The following EEF1A2 variants were observed in gnomAD, a reference collection of about 807,000 sequenced individuals.
The protein encoded by EEF1A2 is elongation factor 1-alpha 2.
EEF1A2 carries 5 observed loss-of-function variants against 39.3 expected under a neutral mutation model. That is an observed-to-expected ratio of 0.13 (90% CI 0.07 to 0.27). EEF1A2 has a LOEUF of 0.27. Ranked by LOEUF, EEF1A2 falls within the 10% of genes least tolerant of loss-of-function variation. The pLI, the probability that EEF1A2 is intolerant of heterozygous loss-of-function variation, is 1.00. For missense variants in EEF1A2, 218 were observed against 681.4 expected (o/e 0.32, Z 7.57); for synonymous variants, 287 against 293.7 (o/e 0.98, Z 0.23).
In EEF1A2 at chr20:63,490,308, G is replaced by A. The variant is rs949894300; in HGVS notation, c.1029+171C>T. On this transcript the variant is annotated intron_variant, in intron 6 of 7. Coordinates refer to ENST00000217182, the MANE Select transcript of EEF1A2 (RefSeq NM_001958.5). ...ACTTGATCTCTTGACCTCGTGATCTGCCCGCCTCGGCCTCTCAAAGTGCTG... is the reference window on the plus strand; with the variant it reads ...ACTTGATCTCTTGACCTCGTGATCTACCCGCCTCGGCCTCTCAAAGTGCTG... The A allele has an allele frequency of 2.3e-5, 18 of 769,740 alleles. No homozygotes were observed. In the African/African-American group the frequency reaches 2.8e-4, roughly 12 times the overall value. The allele number at this position is 769,740 out of a possible 1,614,324, so 47.7% of individuals were successfully genotyped here.
chr20:63,491,360 C>T (rs1320627674), intron 5 of EEF1A2, among the ~76,000 whole-genome samples: 1 of 152,228 alleles, frequency 6.6e-6, no homozygotes, highest in Non-Finnish European at 1.5e-5. Flanking sequence ...AATTGTGCAG[C>T]TGCCACATGG....
intron 5 of EEF1A2, among the ~76,000 whole-genome samples, chr20:63,492,376 GGATGGATGGGTGGGTA>G (rs1427363107): frequency 6.6e-6 from 1 of 151,270 alleles, no homozygotes; most frequent in Non-Finnish European, 1.5e-5. Context: ...ATAGAGAGAA[GGATGGATGGGTGGGTA>G]GATGGATGGA....
chr20:63,488,126 G>T lies in EEF1A2; in HGVS notation c.*172C>A. 1 of 232,008 alleles carries T rather than the reference G, an allele frequency of 4.3e-6. No individual in the cohort carries two copies. Among genetic ancestry groups the T allele is most frequent in the Non-Finnish European group, 7.0e-6 (1 of 142,108 alleles). 14.4% of individuals were successfully genotyped at this position (232,008 alleles called of 1,614,324 possible). A position where few individuals can be genotyped will look rare whatever the true frequency, so the allele number is the denominator to read the frequency against. ...GAAGAACTTCCACTGGACCTTGATG[G>T]CGAGCATCCAGTCGCTGACCGAGGG... On this transcript the variant is annotated 3_prime_UTR_variant, in exon 8 of 8. Coordinates refer to ENST00000217182, the MANE Select transcript of EEF1A2 (RefSeq NM_001958.5).
Position 63,488,427 on chromosome 20 carries a change from TG to T in EEF1A2, c.1265-3del. ...TCATGTCGCGCACGGCGAAGCGGCC[TG>T]GGGGGCGGGGGGCGGCGTGTGGGCG... On this transcript the variant is annotated splice_polypyrimidine_tract_variant and splice_region_variant and intron_variant, in intron 7 of 7. Transcript: ENST00000217182. 9.1e-6 allele frequency: 13 copies of T among 1,430,140 alleles called. No homozygotes were observed. Among genetic ancestry groups the T allele is most frequent in the East Asian group, 3.1e-5 (1 of 32,000 alleles). 88.6% of individuals were successfully genotyped at this position (1,430,140 alleles called of 1,614,324 possible).
At chr20:63,492,015 C>T (rs178097) in intron 5 of EEF1A2, among the ~76,000 whole-genome samples, 91,235 of 96,276 alleles carry the variant, frequency 0.95, 43,254 homozygotes, top group Non-Finnish European at 0.98. Flanking sequence ...AGGAGATGAA[C>T]GGATGGATGA....
chr20:63,496,418 A>C, intron 2 of EEF1A2: 2 of 225,408 alleles, frequency 8.9e-6, no homozygotes, highest in Non-Finnish European at 1.8e-5. Context: ...GGCCAATAAT[A>C]CCACCGTGTT....
rs138846735 is a variant in EEF1A2, at chr20:63,495,081, G to A, written c.345C>T (p.Ile115=). The part of the protein sequence containing the change: ...GTSQADCAVL[I]VAAGVGEFEA... ...CGAACTCGCCCACGCCCGCCGCCACGATCAGCACTGCGCAGTCCGCCTGCC... is the reference window on the plus strand; with the variant it reads ...CGAACTCGCCCACGCCCGCCGCCACAATCAGCACTGCGCAGTCCGCCTGCC... The change falls in exon 4 of 8, where the codon ATC becomes ATT. Residue 115 remains isoleucine, a synonymous_variant. Transcript: ENST00000217182. 4.2e-5 allele frequency: 68 copies of A among 1,611,182 alleles called. No homozygotes were observed. The highest frequency in any genetic ancestry group is 1.7e-4 in the Middle Eastern group (1 of 6,060).
intron 4 of EEF1A2, 151 bp downstream of exon 4, chr20:63,494,654 A>C: frequency 1.7e-6 from 2 of 1,147,040 alleles, no homozygotes; most frequent in Non-Finnish European, 2.4e-6. Flanking sequence ...CCGGGCCCTG[A>C]GCCAGTTAGG....
In EEF1A2 at chr20:63,490,707, C is replaced by T; in HGVS notation, c.801G>A (p.Val267=). Residue 267 remains valine, a synonymous_variant, in exon 6 of 8, where the codon GTG becomes GTA. Transcript: ENST00000217182. ...TGCCCGGCCGCAGGATGCCGGTCTCCACCCGGCCCACGGGCACCGTGCCAA... is the reference window on the plus strand; with the variant it reads ...TGCCCGGCCGCAGGATGCCGGTCTCTACCCGGCCCACGGGCACCGTGCCAA... ...GGIGTVPVGR[V]ETGILRPGMV... 1.2e-6 allele frequency: 2 copies of T among 1,605,434 alleles called. No individual in the cohort carries two copies. The highest frequency in any genetic ancestry group is 1.3e-5 in the African/African-American group (1 of 75,000).
At chr20:63,490,061 CCTTTT>C (rs2082370927) in intron 6 of EEF1A2, 1 of 152,696 alleles carries the variant, frequency 6.5e-6, no homozygotes, top group Non-Finnish European at 1.5e-5. Flanking sequence ...TATGCGGGTC[CCTTTT>C]CTTTTTTTTT....
chr20:63,497,935 AC>A lies in EEF1A2; in HGVS notation c.-71-102del. ...ACAGGCTGGACAGGCATCCCTGCCCACAAACCAAGCCCCCATGTTTGGTGGG... is the reference window on the plus strand; with the variant it reads ...ACAGGCTGGACAGGCATCCCTGCCCAAAACCAAGCCCCCATGTTTGGTGGG... On this transcript the variant is annotated intron_variant, in intron 1 of 7. Coordinates refer to ENST00000217182, the MANE Select transcript of EEF1A2 (RefSeq NM_001958.5). The surrounding 1 kb of genome is among the most constrained non-coding windows in gnomAD (Gnocchi z 7.3). 3.4e-6 allele frequency: 3 copies of A among 881,904 alleles called. No individual in the cohort carries two copies. The East Asian group carries it at 8.6e-5, about 25-fold the overall frequency. 54.6% of individuals were successfully genotyped at this position (881,904 alleles called of 1,614,324 possible).
At chr20:63,495,749 C>A in intron 3 of EEF1A2, 107 bp downstream of exon 3, 1 of 1,432,366 alleles carries the variant, frequency 7.0e-7, no homozygotes, top group South Asian at 1.4e-5. Flanking sequence ...CCTGCCCTCA[C>A]AGGAAGCACA....
At position 63,497,471 on chromosome 20, in the gene EEF1A2, G is replaced by A. The variant is rs577406462; in HGVS notation, c.144+149C>T. 150 of 1,294,602 alleles carry A rather than the reference G, an allele frequency of 1.2e-4. No homozygotes were observed. In the African/African-American group the frequency reaches 2.0e-3, roughly 17 times the overall value. The allele number at this position is 1,294,602 out of a possible 1,614,324, so 80.2% of individuals were successfully genotyped here. ...GAGGCTGCCCCACCAGACCCTCTGA[G>A]GCCTGAGTGCCCCACAGCGGGGGTC... On this transcript the variant is annotated intron_variant, in intron 2 of 7. Coordinates refer to ENST00000217182, the MANE Select transcript of EEF1A2 (RefSeq NM_001958.5). This position sits in a 1 kb window ranked among gnomAD's most constrained non-coding sequence, Gnocchi z 7.3.
In EEF1A2 at chr20:63,497,841, G is replaced by A. The variant is rs1344904715; in HGVS notation, c.-71-7C>T. On this transcript the variant is annotated splice_polypyrimidine_tract_variant and splice_region_variant and intron_variant, in intron 1 of 7. Transcript: ENST00000217182. This position sits in a 1 kb window ranked among gnomAD's most constrained non-coding sequence, Gnocchi z 7.3. ...GAGGGGGGCTGCAGTGATTCTGTGGGGCCAGTGGTGGTGGGGAGACCGGTG... is the reference window on the plus strand; with the variant it reads ...GAGGGGGGCTGCAGTGATTCTGTGGAGCCAGTGGTGGTGGGGAGACCGGTG... 1.7e-5 allele frequency: 27 copies of A among 1,548,570 alleles called. No homozygotes were observed. The East Asian group carries it at 3.0e-4, about 17-fold the overall frequency.
In EEF1A2 at chr20:63,493,184, G is replaced by A. The variant is rs752137872; in HGVS notation, c.725C>T (p.Thr242Met). 1.4e-5 allele frequency: 22 copies of A among 1,548,636 alleles called. No homozygotes were observed. Among genetic ancestry groups the A allele is most frequent in the African/African-American group, 6.9e-5 (5 of 72,950 alleles). ...CAGCGGCAGGCGCAGGGGCTTGTCC[G>A]TGGGGCGCGTGGGGGGCAGGATGGT... ...LDTILPPTRP[T>M]DKPLRLPLQD... Residue 242 changes from threonine (T) to methionine (M), a missense_variant, in exon 5 of 8, where the codon ACG (threonine) becomes ATG (methionine). Physicochemically the swap from Thr to Met is moderately conservative, Grantham distance 81 (BLOSUM62 -1). Coordinates refer to ENST00000217182, the MANE Select transcript of EEF1A2 (RefSeq NM_001958.5).
rs564554524 is a variant in EEF1A2, at chr20:63,494,029, C to T, written c.622-742G>A. On this transcript the variant is annotated intron_variant, in intron 4 of 7. Transcript: ENST00000217182. ...AACACCGAGCCTCGTGAGATGGAGG[C>T]GGAGCTGGGGGAGTCCCTCCCAGTT... 8.5e-5 allele frequency among the ~76,000 whole-genome samples: 13 copies of T among 152,336 alleles called. No homozygotes were observed. In the South Asian group the frequency reaches 1.7e-3, roughly 19 times the overall value.
chr20:63,493,565 C>T (rs1386084177), intron 4 of EEF1A2, among the ~76,000 whole-genome samples: 2 of 152,214 alleles, frequency 1.3e-5, no homozygotes, highest in Non-Finnish European at 2.9e-5. Flanking sequence ...TGAACAAATC[C>T]CCAGTCCAGC....
At chr20:63,492,068 AGATG>A (rs776236836) in intron 5 of EEF1A2, among the ~76,000 whole-genome samples, 1 of 66,640 alleles carries the variant, frequency 1.5e-5, no homozygotes. Context: ...CTGGGTGGGG[AGATG>A]GATGGATAGA....
Position 63,497,538 on chromosome 20 carries a change from G to A in EEF1A2, c.144+82C>T, listed in dbSNP as rs2082423967. On this transcript the variant is annotated intron_variant, in intron 2 of 7. Coordinates refer to ENST00000217182, the MANE Select transcript of EEF1A2 (RefSeq NM_001958.5). This position sits in a 1 kb window ranked among gnomAD's most constrained non-coding sequence, Gnocchi z 7.3. ...AGGTCACCTGAGCCCCATGCCCTGGGGCTGGGAGATGCCAAGCCTGGCCAC... is the reference window on the plus strand; with the variant it reads ...AGGTCACCTGAGCCCCATGCCCTGGAGCTGGGAGATGCCAAGCCTGGCCAC... The A allele has an allele frequency of 7.1e-6, 11 of 1,548,594 alleles. No individual in the cohort carries two copies. In the Admixed American group the frequency reaches 1.5e-4, roughly 21 times the overall value.
Sources: gnomAD v4.1 joint callset for allele counts (sites outside exome capture counted in the v4.1 genomes callset) on GRCh38, gnomAD v4.1.1 for gene constraint, Gnocchi (gnomAD v3.1) non-coding constraint, MANE v1.5 for transcripts, NCBI Gene and HGNC (gene_info 2026-07-23, HGNC 2026-07-21) for gene names.